The following FSHR variants were observed in gnomAD, a reference collection of about 807,000 sequenced individuals.
The protein encoded by FSHR is follicle-stimulating hormone receptor.
FSHR carries 46 observed loss-of-function variants against 52.1 expected under a neutral mutation model. That is an observed-to-expected ratio of 0.88 (90% CI 0.70 to 1.13). FSHR has a LOEUF of 1.13. Among genes scored for constraint, FSHR ranks in the 50% most tolerant of loss-of-function variants. The pLI is 0.00. For missense variants in FSHR, 964 were observed against 834.6 expected (o/e 1.16, Z -1.91); for synonymous variants, 399 against 309.6 (o/e 1.29, Z -3.03).
intron 8 of FSHR, among the ~76,000 whole-genome samples, chr2:48,970,940 C>G (rs752808096): frequency 1.3e-5 from 2 of 152,318 alleles, no homozygotes; most frequent in Non-Finnish European, 2.9e-5. Context: ...TCCCTCCTCT[C>G]CTGTGACTTT....
intron 1 of FSHR, among the ~76,000 whole-genome samples, chr2:49,091,015 C>G (rs1670586930): frequency 6.6e-6 from 1 of 151,350 alleles, no homozygotes; most frequent in Non-Finnish European, 1.5e-5. Context: ...AGATAGAAGT[C>G]CTTTTTTAGA....
chr2:49,116,874 G>A (rs1199509046), intron 1 of FSHR, among the ~76,000 whole-genome samples: 3 of 152,142 alleles, frequency 2.0e-5, no homozygotes, highest in African/African-American at 7.2e-5. Flanking sequence ...CAATTAGAAG[G>A]CAAAACGAAA....
intron 2 of FSHR, among the ~76,000 whole-genome samples, chr2:49,022,010 G>T (rs1034360471): frequency 6.7e-6 from 1 of 150,240 alleles, no homozygotes; most frequent in African/African-American, 2.4e-5. Context: ...AATTGAGAAG[G>T]AGGGGGAAAG....
At chr2:49,067,156 A>G (rs1669536413) in intron 2 of FSHR, among the ~76,000 whole-genome samples, 1 of 152,138 alleles carries the variant, frequency 6.6e-6, no homozygotes, top group South Asian at 2.1e-4. Context: ...GGGCCCTGAA[A>G]GATAAAATGC....
intron 1 of FSHR, among the ~76,000 whole-genome samples, chr2:49,087,083 T>G (rs951537207): frequency 6.9e-6 from 1 of 145,942 alleles, no homozygotes; most frequent in Non-Finnish European, 1.5e-5. Flanking sequence ...TTTTTTTTTT[T>G]TTTTTTTTTT....
chr2:49,021,763 G>T (rs2104225398), intron 2 of FSHR, among the ~76,000 whole-genome samples: 1 of 148,916 alleles, frequency 6.7e-6, no homozygotes, highest in South Asian at 2.2e-4. Context: ...CATCTTTCAT[G>T]ATTTATTTGG....
intron 8 of FSHR, among the ~76,000 whole-genome samples, chr2:48,972,307 C>T (rs1674777807): frequency 6.6e-6 from 1 of 152,204 alleles, no homozygotes; most frequent in Admixed American, 6.5e-5. Context: ...ACACTCATTG[C>T]TATCACCACA....
At chr2:49,137,931 A>T (rs555350076) in intron 1 of FSHR, among the ~76,000 whole-genome samples, 4 of 152,304 alleles carry the variant, frequency 2.6e-5, no homozygotes, top group South Asian at 2.1e-4. Context: ...GCACAAAAAA[A>T]GAATAAAAAA....
intron 2 of FSHR, among the ~76,000 whole-genome samples, chr2:49,025,012 C>T (rs989634581): frequency 2.0e-5 from 3 of 152,172 alleles, no homozygotes; most frequent in Admixed American, 1.3e-4. Context: ...AATATTCCTG[C>T]TCCCAGTCAA....
chr2:49,080,837 C>A (rs907145372), intron 1 of FSHR, among the ~76,000 whole-genome samples: 1 of 152,126 alleles, frequency 6.6e-6, no homozygotes, highest in Admixed American at 6.6e-5. Context: ...AAAGTCCATA[C>A]TCCCAGCCAT....
chr2:48,968,658 T>G (rs542800285), intron 9 of FSHR, 40 bp downstream of exon 9: 1 of 1,604,906 alleles, frequency 6.2e-7, no homozygotes, highest in Admixed American at 1.7e-5. Flanking sequence ...AAGTTCTACA[T>G]TGGGGAAATG....
chr2:49,003,485 C>T (rs768427285), intron 4 of FSHR, among the ~76,000 whole-genome samples: 22 of 152,254 alleles, frequency 1.4e-4, no homozygotes, highest in East Asian at 1.9e-4. Context: ...GGGAAGACAA[C>T]GTCCTTCCCA....
chr2:49,150,083 G>T (rs1351349605), intron 1 of FSHR, among the ~76,000 whole-genome samples: 1 of 152,080 alleles, frequency 6.6e-6, no homozygotes, highest in Non-Finnish European at 1.5e-5. Context: ...ACTGCAGGAA[G>T]AATAAAGTAA....
chr2:49,093,274 A>G (rs1385126222), intron 1 of FSHR, among the ~76,000 whole-genome samples: 1 of 152,122 alleles, frequency 6.6e-6, no homozygotes, highest in East Asian at 1.9e-4. Context: ...TGTTCATTTG[A>G]TTGCTGAGAT....
intron 2 of FSHR, among the ~76,000 whole-genome samples, chr2:49,032,065 A>T (rs560828739): frequency 1.9e-4 from 29 of 152,278 alleles, no homozygotes; most frequent in African/African-American, 6.0e-4. Context: ...CCTTTGCCTT[A>T]TATTGAGTCA....
chr2:49,086,306 T>C (rs2103674730), intron 1 of FSHR, among the ~76,000 whole-genome samples: 1 of 152,306 alleles, frequency 6.6e-6, no homozygotes, highest in South Asian at 2.1e-4. Context: ...TGCAGATTTA[T>C]GGCTTCTCTT....
At chr2:49,102,501 T>G (rs17823341) in intron 1 of FSHR, among the ~76,000 whole-genome samples, 5,919 of 152,098 alleles carry the variant, frequency 0.039, 168 homozygotes, top group Middle Eastern at 0.058. Context: ...ATGTGAGACT[T>G]GGTAAGTTAG....
chr2:49,069,125 A>G (rs1458956700), intron 1 of FSHR, among the ~76,000 whole-genome samples: 1 of 152,090 alleles, frequency 6.6e-6, no homozygotes, highest in Non-Finnish European at 1.5e-5. Flanking sequence ...GGAAAAATCA[A>G]AGTTGTTTAC....
At chr2:49,096,394 C>A (rs530012239) in intron 1 of FSHR, among the ~76,000 whole-genome samples, 3 of 152,152 alleles carry the variant, frequency 2.0e-5, no homozygotes, top group Non-Finnish European at 4.4e-5. Flanking sequence ...ACATGAAATG[C>A]CCAGAATGGG....
Sources: gnomAD v4.1 joint callset for allele counts (sites outside exome capture counted in the v4.1 genomes callset) on GRCh38, gnomAD v4.1.1 for gene constraint, MANE v1.5 for transcripts, NCBI Gene and HGNC (gene_info 2026-07-23, HGNC 2026-07-21) for gene names.